The following SEMA3A variants were observed in gnomAD, a reference collection of about 807,000 sequenced individuals.
The protein encoded by SEMA3A is semaphorin 3A.
Under a neutral mutation model 97.9 loss-of-function variants are expected in SEMA3A, and 29 were observed. That is an observed-to-expected ratio of 0.30 (90% CI 0.22 to 0.40). The LOEUF is 0.40. Among genes scored for constraint, SEMA3A ranks in the 10% least tolerant of loss-of-function variants. The pLI, the probability that SEMA3A is intolerant of heterozygous loss-of-function variation, is 1.00. For synonymous variants in SEMA3A, 321 were observed against 323.7 expected, an observed-to-expected ratio of 0.99 and a Z score of 0.09; for missense variants, 763 against 951.3, an observed-to-expected ratio of 0.80 and a Z score of 2.60.
intron 4 of SEMA3A, among the ~76,000 whole-genome samples, chr7:84,099,554 G>A (rs1000575843): frequency 2.6e-5 from 4 of 151,976 alleles, no homozygotes; most frequent in Non-Finnish European, 5.9e-5. Flanking sequence ...GCAGCTTAAC[G>A]CAGCTGATTT....
intron 3 of SEMA3A, among the ~76,000 whole-genome samples, chr7:84,233,248 A>G (rs1490913538): frequency 6.6e-6 from 1 of 151,940 alleles, no homozygotes; most frequent in Non-Finnish European, 1.5e-5. Context: ...GGTAAAATTT[A>G]TGTTCTGTTG....
intron 2 of SEMA3A, among the ~76,000 whole-genome samples, chr7:84,346,278 A>G (rs968578697): frequency 1.3e-5 from 2 of 152,154 alleles, no homozygotes; most frequent in Non-Finnish European, 2.9e-5. Context: ...ACCACTAAAA[A>G]TGTCTCTTTA....
chr7:84,386,181 C>A (rs1584281958), intron 1 of SEMA3A, among the ~76,000 whole-genome samples: 1 of 152,278 alleles, frequency 6.6e-6, no homozygotes, highest in Non-Finnish European at 1.5e-5. Context: ...GTACTAATTT[C>A]TACAAAAACC....
intron 4 of SEMA3A, among the ~76,000 whole-genome samples, chr7:84,099,050 C>T (rs73191487): frequency 0.024 from 1,354 of 56,648 alleles, 122 homozygotes; most frequent in Middle Eastern, 0.11. Flanking sequence ...AGAGATTAAT[C>T]AGGAATTACA....
intron 6 of SEMA3A, among the ~76,000 whole-genome samples, chr7:84,033,515 A>G (rs1051990233): frequency 6.6e-6 from 1 of 152,162 alleles, no homozygotes; most frequent in African/African-American, 2.4e-5. Context: ...TGAGATGGAC[A>G]AAGAATTTAG....
At chr7:84,085,768 C>T (rs1159144976) in intron 4 of SEMA3A, among the ~76,000 whole-genome samples, 1 of 152,092 alleles carries the variant, frequency 6.6e-6, no homozygotes, top group Admixed American at 6.6e-5. Context: ...CTAAACTTTT[C>T]TATCTTCCTT....
chr7:84,398,643 AT>A (rs60622660), intron 1 of SEMA3A, among the ~76,000 whole-genome samples: 1 of 150,430 alleles, frequency 6.6e-6, no homozygotes, highest in Non-Finnish European at 1.5e-5. Flanking sequence ...TCTCTATATA[AT>A]TTTTTTTGTT....
rs567778185 is a variant in SEMA3A, at chr7:84,274,695, C to T, written c.-83+32512G>A. Among the ~76,000 whole-genome samples the T allele has an allele frequency of 8.6e-5, 13 of 151,944 alleles. No homozygotes were observed. The East Asian group carries it at 1.6e-3, about 18-fold the overall frequency. On this transcript the variant is annotated intron_variant, in intron 3 of 3. Coordinates refer to the SEMA3A transcript ENST00000424555. ...TGTATTATAAAATACCCCAAAGATA[C>T]GTTTTTTGTGCATGTGATAAGCAGG...
intron 1 of SEMA3A, among the ~76,000 whole-genome samples, chr7:84,450,242 T>C (rs1302822097): frequency 2.0e-5 from 3 of 151,330 alleles, no homozygotes; most frequent in Admixed American, 2.0e-4. Context: ...ACTTCTCTCT[T>C]TCTCTCTCTC....
At chr7:84,254,798 T>A (rs575481612) in intron 3 of SEMA3A, among the ~76,000 whole-genome samples, 3 of 152,296 alleles carry the variant, frequency 2.0e-5, no homozygotes, top group African/African-American at 7.2e-5. Flanking sequence ...ACTTTTATAA[T>A]CATGGATTGG....
At chr7:84,007,601 T>C (rs1281469989) in intron 9 of SEMA3A, 104 bp from the exon 10 acceptor site, 5 of 931,172 alleles carry the variant, frequency 5.4e-6, no homozygotes, top group Non-Finnish European at 7.2e-6. Context: ...TATTAAAATA[T>C]GAATATAAAT....
intron 2 of SEMA3A, among the ~76,000 whole-genome samples, chr7:84,355,961 C>T (rs1421883722): frequency 6.6e-6 from 1 of 151,728 alleles, no homozygotes; most frequent in Non-Finnish European, 1.5e-5. Context: ...ATGGAAATAT[C>T]GTATACTGAA....
chr7:84,461,131 A>T (rs1237968620), intron 1 of SEMA3A, among the ~76,000 whole-genome samples: 1 of 152,198 alleles, frequency 6.6e-6, no homozygotes, highest in African/African-American at 2.4e-5. Flanking sequence ...GCTTCAAATA[A>T]ACTTCATCCT....
At chr7:84,130,748 A>G (rs1795937965) in intron 2 of SEMA3A, among the ~76,000 whole-genome samples, 1 of 152,014 alleles carries the variant, frequency 6.6e-6, no homozygotes, top group Non-Finnish European at 1.5e-5. Flanking sequence ...GGAAGAGGGT[A>G]AAACATAACT....
chr7:84,399,790 C>G (rs1803849264), intron 1 of SEMA3A, among the ~76,000 whole-genome samples: 1 of 152,158 alleles, frequency 6.6e-6, no homozygotes, highest in African/African-American at 2.4e-5. Context: ...CAATAGCAGC[C>G]ATGGGCCTTT....
intron 15 of SEMA3A, among the ~76,000 whole-genome samples, chr7:83,969,444 C>T (rs1282384615): frequency 6.6e-6 from 1 of 152,096 alleles, no homozygotes; most frequent in African/African-American, 2.4e-5. Flanking sequence ...TCCCCTGGCC[C>T]ACCACACTGT....
At chr7:83,978,095 C>A (rs912315550) in intron 14 of SEMA3A, among the ~76,000 whole-genome samples, 5 of 151,994 alleles carry the variant, frequency 3.3e-5, no homozygotes, top group African/African-American at 1.2e-4. Flanking sequence ...AGCCACTGCG[C>A]CTGGCCATAT....
chr7:84,146,107 C>A (rs528997883), intron 1 of SEMA3A, among the ~76,000 whole-genome samples: 42 of 152,294 alleles, frequency 2.8e-4, no homozygotes, highest in Middle Eastern at 3.4e-3. Context: ...TCGATGGATG[C>A]CTCACTGTGC....
At chr7:84,137,670 T>C (rs542917906) in intron 1 of SEMA3A, among the ~76,000 whole-genome samples, 1 of 144,530 alleles carries the variant, frequency 6.9e-6, no homozygotes, top group Admixed American at 7.0e-5. Flanking sequence ...TCTACCTTAG[T>C]TTCAGAGAGG....
Sources: gnomAD v4.1 joint callset for allele counts (sites outside exome capture counted in the v4.1 genomes callset) on GRCh38, gnomAD v4.1.1 for gene constraint, MANE v1.5 for transcripts, NCBI Gene and HGNC (gene_info 2026-07-23, HGNC 2026-07-21) for gene names.